AKR1C3: variants seen among roughly 807,000 people sequenced by gnomAD.
AKR1C3 encodes the protein 3-alpha hydroxysteroid dehydrogenase, type II.
Under a neutral mutation model 43.6 loss-of-function variants are expected in AKR1C3, and 48 were observed. That is an observed-to-expected ratio of 1.10 (90% CI 0.87 to 1.40). The LOEUF is 1.40. Ranked by LOEUF, AKR1C3 falls within the 40% of genes most tolerant of loss-of-function variation. AKR1C3 has a pLI of 0.00. For synonymous variants in AKR1C3, 162 were observed against 139.6 expected, an observed-to-expected ratio of 1.16 and a Z score of -1.13; for missense variants, 482 against 391.2, an observed-to-expected ratio of 1.23 and a Z score of -1.96.
intron 1 of AKR1C3, among the ~76,000 whole-genome samples, chr10:5,066,717 A>G (rs1554780833): frequency 2.0e-5 from 3 of 152,202 alleles, no homozygotes; most frequent in East Asian, 3.9e-4. Flanking sequence ...TAGCAGTCTC[A>G]TCTCCTTCAC....
At chr10:5,065,996 G>T (rs965494796) in intron 1 of AKR1C3, among the ~76,000 whole-genome samples, 41 of 152,252 alleles carry the variant, frequency 2.7e-4, no homozygotes, top group African/African-American at 9.6e-4. Context: ...GTATCTCCTT[G>T]ATGGCCAGGG....
At chr10:5,064,381 T>G (rs1838450811) in intron 1 of AKR1C3, among the ~76,000 whole-genome samples, 1 of 152,022 alleles carries the variant, frequency 6.6e-6, no homozygotes, top group Non-Finnish European at 1.5e-5. Context: ...AAAAATCAAC[T>G]CAAAATATAT....
At position 5,097,431 on chromosome 10, in the gene AKR1C3, C is replaced by T. The variant is rs781868397; in HGVS notation, c.253-3C>T. On this transcript the variant is annotated splice_region_variant and splice_polypyrimidine_tract_variant and intron_variant, in intron 2 of 8. Transcript: ENST00000380554. ...AATCACCTCCATTCTTTAACCTCTG[C>T]AGCTTTGGTCCACTTTTCATCGACC... The T allele has an allele frequency of 1.9e-6, 3 of 1,613,276 alleles. No homozygotes were observed. The highest frequency in any genetic ancestry group is 2.5e-6 in the Non-Finnish European group (3 of 1,179,566).
intron 1 of AKR1C3, among the ~76,000 whole-genome samples, chr10:5,066,954 A>T (rs1333062845): frequency 6.6e-6 from 1 of 152,218 alleles, no homozygotes; most frequent in East Asian, 1.9e-4. Flanking sequence ...GCACTTAACA[A>T]ATGATGCCCT....
At chr10:5,076,087 G>C (rs1691055166) in intron 1 of AKR1C3, among the ~76,000 whole-genome samples, 1 of 152,106 alleles carries the variant, frequency 6.6e-6, no homozygotes, top group African/African-American at 2.4e-5. Context: ...ATTTAAGCCT[G>C]TTTTTACGGT....
rs1554786102 is a variant in AKR1C3, at chr10:5,102,107, T to C, written c.577T>C (p.Cys193Arg). The part of the protein sequence containing the change: ...KYKPVCNQVE[C>R]HPYFNRSKLL... ...CTCTTTTGGTCAACTGCAGGTAGAA[T>C]GTCATCCGTATTTCAACCGGAGTAA... Residue 193 changes from cysteine to arginine, a missense_variant, in exon 6 of 9, where the codon TGT becomes CGT. Transcript: ENST00000380554. The C allele has an allele frequency of 1.2e-5, 19 of 1,609,496 alleles. No individual in the cohort carries two copies. The highest frequency in any genetic ancestry group is 2.2e-5 in the East Asian group (1 of 44,844).
intron 1 of AKR1C3, among the ~76,000 whole-genome samples, chr10:5,081,330 G>C (rs1179823883): frequency 6.6e-6 from 1 of 152,126 alleles, no homozygotes; most frequent in East Asian, 1.9e-4. Context: ...GATTTTATAA[G>C]GATGGTGTCA....
rs60296137 is a variant in AKR1C3 at position 5,048,928 on chromosome 10, A to C, written c.84+33A>C. The C allele has an allele frequency of 7.3e-3, 11,451 of 1,573,910 alleles. 744 individuals are homozygous for C. The African/African-American group carries it at 0.13, about 18-fold the overall frequency. On this transcript the variant is annotated intron_variant, in intron 1 of 8. Transcript: ENST00000439082. ...TAATGTTTTTGGTGCAGAGAGTTGA[A>C]AAGAGCAAAGCCAGAATAAGTGGAA...
At chr10:5,096,298 C>A in intron 1 of AKR1C3, 112 bp from the exon 2 acceptor site, 1 of 1,321,284 alleles carries the variant, frequency 7.6e-7, no homozygotes, top group Non-Finnish European at 1.0e-6. Flanking sequence ...GACTTTTCAC[C>A]CCACATACAG....
intron 5 of AKR1C3, among the ~76,000 whole-genome samples, chr10:5,100,050 T>G (rs1462642690): frequency 6.6e-6 from 1 of 152,204 alleles, no homozygotes; most frequent in Non-Finnish European, 1.5e-5. Context: ...CCCAGCACTT[T>G]GGGAGGCAAA....
rs148514568 is a variant in AKR1C3 at position 5,070,763 on chromosome 10, G to A, written c.84+21868G>A. On this transcript the variant is annotated intron_variant, in intron 1 of 8. Transcript: ENST00000439082. ...GGATAGAAAGAGGACAGCTATCTATGAGTCAGGAAGCAGGGCCTCACTAGA... is the reference window on the plus strand; with the variant it reads ...GGATAGAAAGAGGACAGCTATCTATAAGTCAGGAAGCAGGGCCTCACTAGA... Among the ~76,000 whole-genome samples, 1,087 of 152,284 alleles carry A rather than the reference G, an allele frequency of 7.1e-3. 5 individuals are homozygous for A. Among genetic ancestry groups the A allele is most frequent in the Non-Finnish European group, 0.011 (724 of 68,016 alleles).
upstream of AKR1C3, among the ~76,000 whole-genome samples, chr10:5,092,216 A>G (rs1489651744): frequency 6.6e-6 from 1 of 152,032 alleles, no homozygotes; most frequent in African/African-American, 2.4e-5. Context: ...TGCTTTTAAG[A>G]TAGTCTATTT....
chr10:5,099,643 A>T (rs923742333), intron 5 of AKR1C3, 194 bp downstream of exon 5: 2 of 936,542 alleles, frequency 2.1e-6, no homozygotes, highest in Admixed American at 2.9e-5. Flanking sequence ...GAAAAATTGG[A>T]ATGAGTTTAA....
At chr10:5,059,151 A>C (rs1285678365) in intron 1 of AKR1C3, among the ~76,000 whole-genome samples, 3 of 152,170 alleles carry the variant, frequency 2.0e-5, no homozygotes, top group African/African-American at 7.2e-5. Context: ...GGTAGTCCCC[A>C]CTATGATGGG....
In AKR1C3 at chr10:5,105,482, C is replaced by G. The variant is rs1002229821; in HGVS notation, c.847-113C>G. 7 of 754,728 alleles carry G rather than the reference C, an allele frequency of 9.3e-6. No homozygotes were observed. The South Asian group carries it at 9.7e-5, about 10-fold the overall frequency. The allele number at this position is 754,728 out of a possible 1,614,324, so 46.8% of individuals were successfully genotyped here. A position where few individuals can be genotyped will look rare whatever the true frequency, so the allele number is the denominator to read the frequency against. ...GAGTGTTTAGAGCTGACTTCTATAA[C>G]TGTTTAAAACTTACCAATATTTTAA... On this transcript the variant is annotated intron_variant, in intron 7 of 8. Coordinates refer to ENST00000380554, the MANE Select transcript of AKR1C3 (RefSeq NM_003739.6).
At chr10:5,087,934 C>A (rs34277279) in intron 1 of AKR1C3, among the ~76,000 whole-genome samples, 32,700 of 151,758 alleles carry the variant, frequency 0.22, 3,702 homozygotes, top group Middle Eastern at 0.36. Context: ...AGTTTGAGGT[C>A]TTTCTATCTT....
chr10:5,098,939 A>G (rs1428048625), intron 4 of AKR1C3, 60 bp downstream of exon 4: 5 of 1,375,256 alleles, frequency 3.6e-6, no homozygotes, highest in African/African-American at 1.5e-5. Flanking sequence ...TCTGTTTCCC[A>G]GGTTCAATAG....
At chr10:5,076,839 C>T (rs1267402197) in intron 1 of AKR1C3, among the ~76,000 whole-genome samples, 1 of 152,162 alleles carries the variant, frequency 6.6e-6, no homozygotes, top group African/African-American at 2.4e-5. Context: ...GGAGCACTGC[C>T]TTTGCTTTAT....
intron 4 of AKR1C3, 89 bp from the exon 5 acceptor site, chr10:5,099,238 A>G: frequency 1.3e-6 from 2 of 1,581,342 alleles, no homozygotes. Context: ...TCATACTTTG[A>G]AAGTTGTTGC....
Sources: allele counts gnomAD v4.1 joint callset (sites outside exome capture counted in the v4.1 genomes callset), GRCh38; gene constraint gnomAD v4.1.1; transcripts MANE v1.5; gene names NCBI Gene and HGNC (gene_info 2026-07-23, HGNC 2026-07-21).